The following NTM variants were observed in gnomAD, a reference collection of about 807,000 sequenced individuals.
NTM encodes the protein IgLON family member 2.
Under a neutral mutation model 42.1 loss-of-function variants are expected in NTM, and 13 were observed. The ratio of observed to expected loss-of-function variants is 0.31; its 90% confidence interval spans 0.20 to 0.49. NTM has a LOEUF of 0.49. Ranked by LOEUF, NTM falls within the 20% of genes least tolerant of loss-of-function variation. The probability of loss-of-function intolerance (pLI) is 0.99; values close to 1 mark genes in which losing one functional copy is unlikely to be tolerated. For synonymous variants in NTM, 187 were observed against 179.2 expected (o/e 1.04, Z -0.35); for missense variants, 373 against 452.8 (o/e 0.82, Z 1.60).
intron 1 of NTM, among the ~76,000 whole-genome samples, chr11:131,588,093 G>A (rs80085946): frequency 0.013 from 1,937 of 149,058 alleles, 47 homozygotes; most frequent in African/African-American, 0.044. Flanking sequence ...TACTAAAAGC[G>A]TCCCCATTTC....
intron 1 of NTM, among the ~76,000 whole-genome samples, chr11:131,825,865 T>C (rs1272962196): frequency 6.6e-6 from 1 of 151,956 alleles, no homozygotes; most frequent in African/African-American, 2.4e-5. Flanking sequence ...CTATGAAGAG[T>C]TTATAGTACC....
intron 1 of NTM, among the ~76,000 whole-genome samples, chr11:131,596,178 A>T (rs2137339166): frequency 6.6e-6 from 1 of 152,264 alleles, no homozygotes; most frequent in Non-Finnish European, 1.5e-5. Flanking sequence ...CTGACTTTTC[A>T]TTCCCCCTTG....
intron 1 of NTM, among the ~76,000 whole-genome samples, chr11:131,624,985 A>G (rs1337169385): frequency 6.6e-6 from 1 of 152,212 alleles, no homozygotes; most frequent in African/African-American, 2.4e-5. Flanking sequence ...CAAGTACTTA[A>G]AAATCACCAT....
Position 132,336,199 on chromosome 11 carries a change from T to TA in NTM, c.*1054dup, listed in dbSNP as rs2095870946. ...ATATATATACATATATTTTTTTTGTTAGAGTTCTAGCCATTTTATTTCTCC... is the reference window on the plus strand; with the variant it reads ...ATATATATACATATATTTTTTTTGTTAAGAGTTCTAGCCATTTTATTTCTCC... On this transcript the variant is annotated 3_prime_UTR_variant, in exon 9 of 9. Coordinates refer to ENST00000683400, the MANE Select transcript of NTM (RefSeq NM_001352005.2). 6.6e-6 allele frequency: 1 copy of TA among 152,608 alleles called. No homozygotes were observed. Among genetic ancestry groups the TA allele is most frequent in the Non-Finnish European group, 1.5e-5 (1 of 68,034 alleles). 9.5% of individuals were successfully genotyped at this position (152,608 alleles called of 1,614,324 possible).
At chr11:131,917,453 G>T (rs1028900538) in intron 2 of NTM, among the ~76,000 whole-genome samples, 2 of 152,150 alleles carry the variant, frequency 1.3e-5, no homozygotes, top group African/African-American at 4.8e-5. Flanking sequence ...TGTGTTGGTT[G>T]TCCATTATTT....
At chr11:131,506,550 G>T (rs1199073611) in intron 1 of NTM, among the ~76,000 whole-genome samples, 1 of 152,208 alleles carries the variant, frequency 6.6e-6, no homozygotes, top group Non-Finnish European at 1.5e-5. Flanking sequence ...AGAGGTGGCT[G>T]CTTCCAGTGC....
chr11:132,294,072 C>T (rs1015911348), intron 4 of NTM, among the ~76,000 whole-genome samples: 1 of 152,152 alleles, frequency 6.6e-6, no homozygotes, highest in Non-Finnish European at 1.5e-5. Context: ...TCCCCACAGG[C>T]ATCATAGGAA....
chr11:131,737,197 T>C (rs1289484325), intron 1 of NTM, among the ~76,000 whole-genome samples: 1 of 152,190 alleles, frequency 6.6e-6, no homozygotes, highest in Non-Finnish European at 1.5e-5. Flanking sequence ...GGAAGAGAAT[T>C]GGTCTTGTGA....
chr11:132,201,159 C>G (rs2081096303), intron 3 of NTM, among the ~76,000 whole-genome samples: 1 of 152,134 alleles, frequency 6.6e-6, no homozygotes, highest in Admixed American at 6.5e-5. Context: ...GTGTGTGTAC[C>G]TAGAGTGTCC....
chr11:132,291,432 T>C (rs989199618), intron 4 of NTM, among the ~76,000 whole-genome samples: 3 of 152,134 alleles, frequency 2.0e-5, no homozygotes, highest in African/African-American at 7.2e-5. Flanking sequence ...AAGATAAATC[T>C]AGAAGAATTT....
At chr11:132,072,799 A>G (rs1210650414) in intron 2 of NTM, among the ~76,000 whole-genome samples, 1 of 151,980 alleles carries the variant, frequency 6.6e-6, no homozygotes, top group Non-Finnish European at 1.5e-5. Context: ...CTGGCCCCTT[A>G]TTTTACGGTT....
chr11:131,390,053 A>C (rs573886763), intron 1 of NTM, among the ~76,000 whole-genome samples: 16 of 152,290 alleles, frequency 1.1e-4, no homozygotes, highest in Non-Finnish European at 1.2e-4. Flanking sequence ...AGACTGGGCA[A>C]TGTACAAAGA....
chr11:131,436,500 G>T (rs932005452), intron 1 of NTM, among the ~76,000 whole-genome samples: 25 of 152,104 alleles, frequency 1.6e-4, no homozygotes, highest in Admixed American at 3.9e-4. Context: ...CTTCTTCCTG[G>T]TTTAGTATTG....
chr11:131,414,878 G>A (rs968635202), intron 1 of NTM, among the ~76,000 whole-genome samples: 3 of 152,140 alleles, frequency 2.0e-5, no homozygotes, highest in African/African-American at 7.2e-5. Flanking sequence ...GCCAAACAGG[G>A]TTGTCTATAC....
chr11:132,111,571 A>G (rs1157182419), intron 2 of NTM, among the ~76,000 whole-genome samples: 1 of 152,162 alleles, frequency 6.6e-6, no homozygotes, highest in Non-Finnish European at 1.5e-5. Context: ...CTGCAGTCCT[A>G]AGCAAGCCAG....
intron 1 of NTM, among the ~76,000 whole-genome samples, chr11:131,691,508 C>G (rs561776629): frequency 2.9e-4 from 44 of 152,178 alleles, no homozygotes; most frequent in African/African-American, 1.0e-3. Context: ...CCTGGCCCCC[C>G]GCCAAGGCGA....
chr11:131,391,259 C>T lies in NTM; in HGVS notation c.82+20371C>T, dbSNP rs150711116. Among the ~76,000 whole-genome samples, 434 of 152,190 alleles carry T rather than the reference C, an allele frequency of 2.9e-3. 3 individuals are homozygous for T. Among genetic ancestry groups the T allele is most frequent in the African/African-American group, 8.9e-3 (370 of 41,520 alleles). The stretch of plus-strand genomic sequence containing the variant: ...GAGTCTGTACCCTTATTCATTCTCA[C>T]GCAGCCTCTCCGCCACATACTTCTC... On this transcript the variant is annotated intron_variant, in intron 1 of 8. Coordinates refer to ENST00000683400, the MANE Select transcript of NTM (RefSeq NM_001352005.2).
At chr11:131,950,739 A>G (rs896199153) in intron 2 of NTM, among the ~76,000 whole-genome samples, 1 of 152,216 alleles carries the variant, frequency 6.6e-6, no homozygotes, top group Non-Finnish European at 1.5e-5. Flanking sequence ...CTCCGTAACT[A>G]TAGACTATTA....
At chr11:131,704,466 T>G (rs2076386654) in intron 1 of NTM, among the ~76,000 whole-genome samples, 1 of 152,170 alleles carries the variant, frequency 6.6e-6, no homozygotes, top group Non-Finnish European at 1.5e-5. Flanking sequence ...AAAATCTCTG[T>G]AGAAGCTGAC....
Sources: allele counts gnomAD v4.1 joint callset (sites outside exome capture counted in the v4.1 genomes callset), GRCh38; gene constraint gnomAD v4.1.1; transcripts MANE v1.5; gene names NCBI Gene and HGNC (gene_info 2026-07-23, HGNC 2026-07-21).